The following MKRN2 variants were observed in gnomAD, a reference collection of about 807,000 sequenced individuals.
The protein encoded by MKRN2 is makorin ring finger protein 2.
Under a neutral mutation model 45.4 loss-of-function variants are expected in MKRN2, and 32 were observed. That is an observed-to-expected ratio of 0.70 (90% CI 0.53 to 0.95). The LOEUF (loss-of-function observed/expected upper bound fraction) is 0.95. Among genes scored for constraint, MKRN2 ranks in the 40% least tolerant of loss-of-function variants. The pLI is 0.00. For synonymous variants in MKRN2, 206 were observed against 192.4 expected, an observed-to-expected ratio of 1.07 and a Z score of -0.59; for missense variants, 526 against 536.7, an observed-to-expected ratio of 0.98 and a Z score of 0.20.
chr3:12,576,397 C>T (rs1181475101), intron 5 of MKRN2, among the ~76,000 whole-genome samples: 5 of 152,140 alleles, frequency 3.3e-5, no homozygotes, highest in Non-Finnish European at 7.3e-5. Context: ...CTTGCCCCTG[C>T]ACCGACAGGC....
At chr3:12,574,738 C>G (rs1194377373) in intron 4 of MKRN2, 54 bp from the exon 5 acceptor site, 1 of 1,494,232 alleles carries the variant, frequency 6.7e-7, no homozygotes, top group Non-Finnish European at 9.3e-7. Flanking sequence ...CCTAGGGCTC[C>G]TGCCACTCCT....
chr3:12,575,458 G>T (rs1023668559), intron 5 of MKRN2, among the ~76,000 whole-genome samples: 11 of 152,322 alleles, frequency 7.2e-5, no homozygotes, highest in Admixed American at 5.2e-4. Flanking sequence ...CATGGGATGT[G>T]CTCAATGTGG....
At chr3:12,560,435 T>C (rs1160998118) in intron 1 of MKRN2, among the ~76,000 whole-genome samples, 1 of 140,158 alleles carries the variant, frequency 7.1e-6, no homozygotes, top group Non-Finnish European at 1.5e-5. Flanking sequence ...TCACAAGGAG[T>C]ATAGCCGTAA....
At chr3:12,578,338 G>A (rs1432160905) in intron 6 of MKRN2, among the ~76,000 whole-genome samples, 1 of 32,454 alleles carries the variant, frequency 3.1e-5, no homozygotes. Context: ...TTTTTTTTTT[G>A]GAGATGGAGT....
chr3:12,558,318 G>A (rs549053185), intron 1 of MKRN2, among the ~76,000 whole-genome samples: 1 of 152,140 alleles, frequency 6.6e-6, no homozygotes, highest in Non-Finnish European at 1.5e-5. Flanking sequence ...TAGGTTATTT[G>A]TACTAGAAGG....
At chr3:12,576,187 ATATG>A (rs1275972859) in intron 5 of MKRN2, among the ~76,000 whole-genome samples, 21 of 128,848 alleles carry the variant, frequency 1.6e-4, no homozygotes, top group African/African-American at 5.7e-4. Context: ...AGGAAACCAT[ATATG>A]TGTGTGTGTG....
In MKRN2 at chr3:12,570,021, A is replaced by G. The variant is rs778288104; in HGVS notation, c.156-50A>G. 7.3e-6 allele frequency: 11 copies of G among 1,503,246 alleles called. No individual in the cohort carries two copies. The South Asian group carries it at 1.0e-4, about 14-fold the overall frequency. The allele number at this position is 1,503,246 out of a possible 1,614,324, so 93.1% of individuals were successfully genotyped here. A position where few individuals can be genotyped will look rare whatever the true frequency, so the allele number is the denominator to read the frequency against. On this transcript the variant is annotated intron_variant, in intron 2 of 7. Transcript: ENST00000170447. Reference sequence around the variant, plus strand: ...CATTGGCATCTGGGGAGTGTGGGAGATGTGTGTGGGTGGCATGTCTGTAAT... The same window carrying G: ...CATTGGCATCTGGGGAGTGTGGGAGGTGTGTGTGGGTGGCATGTCTGTAAT...
intron 2 of MKRN2, 57 bp downstream of exon 2, chr3:12,569,060 C>A: frequency 6.4e-7 from 1 of 1,553,080 alleles, no homozygotes; most frequent in Non-Finnish European, 8.7e-7. Context: ...GAGAATGGGT[C>A]TTGATAAGGG....
intron 6 of MKRN2, among the ~76,000 whole-genome samples, chr3:12,581,606 C>T (rs1036469731): frequency 6.6e-6 from 1 of 152,188 alleles, no homozygotes; most frequent in Non-Finnish European, 1.5e-5. Flanking sequence ...GGGATACTTC[C>T]TATCCTGCTT....
Position 12,582,459 on chromosome 3 carries a change from A to G in MKRN2, c.*206A>G. ...TAAAGTAACCTAATTAAATGTATGG[A>G]ATTGCTATTTTTATAGCTGATATAG... On this transcript the variant is annotated 3_prime_UTR_variant, in exon 8 of 8. Transcript: ENST00000170447. 1 of 606,262 alleles carries G rather than the reference A, an allele frequency of 1.6e-6. No individual in the cohort carries two copies. The highest frequency in any genetic ancestry group is 2.6e-5 in the South Asian group (1 of 38,632). 37.6% of individuals were successfully genotyped at this position (606,262 alleles called of 1,614,324 possible). A position where few individuals can be genotyped will look rare whatever the true frequency, so the allele number is the denominator to read the frequency against.
rs2058141254 is a variant in MKRN2 at position 12,576,896 on chromosome 3, G to A, written c.968+155G>A. On this transcript the variant is annotated intron_variant, in intron 6 of 7. Coordinates refer to ENST00000170447, the MANE Select transcript of MKRN2 (RefSeq NM_014160.5). ...GCTGGGCTCTGGGATGCAGCAATGA[G>A]CAAGGACATGGTGATGTGGACCTGT... is the stretch of plus-strand genomic sequence containing the variant. 5 of 380,598 alleles carry A rather than the reference G, an allele frequency of 1.3e-5. No homozygotes were observed. The South Asian group carries it at 1.7e-4, about 13-fold the overall frequency. 23.6% of individuals were successfully genotyped at this position (380,598 alleles called of 1,614,324 possible). A position where few individuals can be genotyped will look rare whatever the true frequency, so the allele number is the denominator to read the frequency against.
intron 1 of MKRN2, 31 bp downstream of exon 1, chr3:12,557,207 C>G (rs578236861): frequency 1.3e-6 from 2 of 1,531,832 alleles, no homozygotes; most frequent in African/African-American, 1.4e-5. Flanking sequence ...AGCTTCGGGC[C>G]GCTCCCCCAG....
intron 1 of MKRN2, among the ~76,000 whole-genome samples, chr3:12,567,603 C>G (rs1315598282): frequency 2.0e-5 from 3 of 151,468 alleles, no homozygotes; most frequent in Non-Finnish European, 4.4e-5. Flanking sequence ...ATTCTCCTGC[C>G]TCAGCCTCCC....
In MKRN2 at chr3:12,572,367, T is replaced by A; in HGVS notation, c.636T>A (p.His212Gln). 6.4e-7 allele frequency: 1 copy of A among 1,559,098 alleles called. No homozygotes were observed. Among genetic ancestry groups the A allele is most frequent in the Non-Finnish European group, 8.7e-7 (1 of 1,149,090 alleles). The change falls in exon 4 of 8, where the codon CAT (histidine) becomes CAA (glutamine). Residue 212 changes from histidine (H) to glutamine (Q), a missense_variant. Physicochemically the swap from His to Gln is conservative, Grantham distance 24. Transcript: ENST00000170447. Reference sequence around the variant, plus strand: ...TCGACCCAGAGCAGAGGAAGGCTCATGAAAAGGTAAAGTCACAAACCTTTG... The same window carrying A: ...TCGACCCAGAGCAGAGGAAGGCTCAAGAAAAGGTAAAGTCACAAACCTTTG... ...HPFDPEQRKA[H>Q]EKICMLTFEH...
chr3:12,557,270 G>A, intron 1 of MKRN2, 94 bp downstream of exon 1: 1 of 1,467,158 alleles, frequency 6.8e-7, no homozygotes, highest in Non-Finnish European at 9.1e-7. Context: ...CCTGAGGCTA[G>A]AGCGGGACTC....
intron 5 of MKRN2, among the ~76,000 whole-genome samples, chr3:12,576,189 A>ATATGTGTGTG (rs1398365999): frequency 2.2e-4 from 32 of 143,318 alleles, no homozygotes; most frequent in African/African-American, 7.2e-4. Flanking sequence ...GAAACCATAT[A>ATATGTGTGTG]TGTGTGTGTG....
Position 12,572,305 on chromosome 3 carries a change from G to A in MKRN2, c.574G>A (p.Val192Met). ...TGCCTGTGTCTACCTGCACGGGGAG[G>A]TGTGTGAAATCTGTAGGCTGCAAGT... is the stretch of plus-strand genomic sequence containing the variant. ...GDACVYLHGEVCEICRLQVLH... is the reference protein window; with the variant it reads ...GDACVYLHGEMCEICRLQVLH... The change falls in exon 4 of 8, where the codon GTG (valine) becomes ATG (methionine). Residue 192 changes from valine to methionine, a missense_variant. Coordinates refer to ENST00000170447, the MANE Select transcript of MKRN2 (RefSeq NM_014160.5). 1 of 1,612,602 alleles carries A rather than the reference G, an allele frequency of 6.2e-7. No homozygotes were observed.
chr3:12,575,033 TG>T (rs1465243154), intron 5 of MKRN2, 27 bp downstream of exon 5: 1 of 1,594,004 alleles, frequency 6.3e-7, no homozygotes, highest in East Asian at 2.2e-5. Flanking sequence ...GTCTTAGCTG[TG>T]GGAGCTAGGA....
At chr3:12,574,488 G>A (rs963356766) in intron 4 of MKRN2, among the ~76,000 whole-genome samples, 4 of 152,200 alleles carry the variant, frequency 2.6e-5, no homozygotes, top group African/African-American at 4.8e-5. Context: ...CAGTCCTTAC[G>A]GACTCTGACT....
Sources: gnomAD v4.1 joint callset for allele counts (sites outside exome capture counted in the v4.1 genomes callset) on GRCh38, gnomAD v4.1.1 for gene constraint, MANE v1.5 for transcripts, NCBI Gene and HGNC (gene_info 2026-07-23, HGNC 2026-07-21) for gene names.